The following SPAG17 variants were observed in gnomAD, a reference collection of about 807,000 sequenced individuals.
SPAG17 encodes sperm-associated antigen 17.
SPAG17 carries 169 observed loss-of-function variants against 273.6 expected under a neutral mutation model. That is an observed-to-expected ratio of 0.62 (90% confidence interval 0.55 to 0.70). The LOEUF is 0.70. SPAG17 is among the 30% of genes least tolerant of loss of function. SPAG17 has a pLI of 0.00. For missense variants in SPAG17, 2,557 were observed against 2,627.8 expected, an observed-to-expected ratio of 0.97 and a Z score of 0.59; for synonymous variants, 825 against 873.2, an observed-to-expected ratio of 0.94 and a Z score of 0.97.
chr1:118,184,441 T>G (rs1469944830), intron 1 of SPAG17, among the ~76,000 whole-genome samples: 4 of 152,098 alleles, frequency 2.6e-5, no homozygotes, highest in Non-Finnish European at 4.4e-5. Context: ...TGGTAGGTGG[T>G]TTGTAGATTG....
At chr1:118,078,255 C>T (rs1181439580) in intron 15 of SPAG17, among the ~76,000 whole-genome samples, 2 of 152,078 alleles carry the variant, frequency 1.3e-5, no homozygotes, top group East Asian at 1.9e-4. Context: ...CATGTTATCA[C>T]TTTCTTAAAA....
chr1:118,127,167 G>C (rs1055974979), intron 3 of SPAG17, among the ~76,000 whole-genome samples: 5 of 151,948 alleles, frequency 3.3e-5, no homozygotes, highest in Non-Finnish European at 7.4e-5. Context: ...GAGAATTTGG[G>C]GTCTTTTGTG....
intron 1 of SPAG17, among the ~76,000 whole-genome samples, chr1:118,157,503 C>G (rs917743461): frequency 1.3e-5 from 2 of 152,178 alleles, no homozygotes; most frequent in African/African-American, 4.8e-5. Flanking sequence ...CAGGGCTCTC[C>G]TTTCCTCCTG....
rs1012424058 is a variant in SPAG17 at position 118,056,363 on chromosome 1, C to G, written c.2541-449G>C. On this transcript the variant is annotated intron_variant, in intron 18 of 48. Coordinates refer to ENST00000336338, the MANE Select transcript of SPAG17 (RefSeq NM_206996.4). Reference sequence around the variant, plus strand: ...TAAAATTGAGACCAATTAATACTCACTGGATTAACTAAACCACTATAGCTT... The same window carrying G: ...TAAAATTGAGACCAATTAATACTCAGTGGATTAACTAAACCACTATAGCTT... Among the ~76,000 whole-genome samples the G allele has an allele frequency of 8.5e-5, 13 of 152,294 alleles. No homozygotes were observed. In the Middle Eastern group the frequency reaches 0.01, roughly 120 times the overall value.
At chr1:118,043,491 C>T (rs1230938150) in intron 20 of SPAG17, among the ~76,000 whole-genome samples, 2 of 152,230 alleles carry the variant, frequency 1.3e-5, no homozygotes, top group East Asian at 3.9e-4. Flanking sequence ...CTTACCACAA[C>T]GTAAGTATTT....
rs1254287477 is a variant in SPAG17 at position 118,058,190 on chromosome 1, CT to C, written c.2541-2277del. On this transcript the variant is annotated intron_variant, in intron 18 of 48. Coordinates refer to ENST00000336338, the MANE Select transcript of SPAG17 (RefSeq NM_206996.4). ...TAAAAGACATAGGCTATCAGAGTAA[CT>C]AAAAAAATGCAAGCTGCTATTTATT... 5.9e-5 allele frequency among the ~76,000 whole-genome samples: 9 copies of C among 152,098 alleles called. No individual in the cohort carries two copies. The South Asian group carries it at 1.9e-3, about 32-fold the overall frequency.
intron 31 of SPAG17, among the ~76,000 whole-genome samples, chr1:118,007,804 C>G (rs141310255): frequency 1.3e-3 from 198 of 152,270 alleles, no homozygotes; most frequent in Admixed American, 2.5e-3. Flanking sequence ...TGGTTTATAA[C>G]CTTGGTCCAA....
chr1:117,958,795 T>A, intron 48 of SPAG17: 1 of 637,044 alleles, frequency 1.6e-6, no homozygotes, highest in Non-Finnish European at 2.5e-6. Flanking sequence ...CTCGAAACAT[T>A]TCTATAATGT....
At chr1:118,161,440 G>T (rs1270386787) in intron 1 of SPAG17, among the ~76,000 whole-genome samples, 1 of 152,160 alleles carries the variant, frequency 6.6e-6, no homozygotes, top group East Asian at 1.9e-4. Context: ...TGTGGAGGGT[G>T]GAGGTGTCTG....
intron 3 of SPAG17, among the ~76,000 whole-genome samples, chr1:118,144,674 G>A (rs1469633055): frequency 3.3e-5 from 5 of 152,202 alleles, no homozygotes; most frequent in Non-Finnish European, 5.9e-5. Context: ...AGGCCCTGGT[G>A]TGGGCCACGT....
rs142723614 is a variant in SPAG17 at position 118,086,886 on chromosome 1, T to A, written c.1482A>T (p.Ser494=). The stretch of plus-strand genomic sequence containing the variant: ...GCTATCTGACCTTTTTCTCCCTCTC[T>A]GAGAGACAGAGTGAGGGCAGAAGGG... The part of the protein sequence containing the change: ...IVSLLPSLCL[S]EREKKNLHDI... Residue 494 remains serine, a synonymous_variant, in exon 11 of 49, where the codon TCA becomes TCT. Coordinates refer to ENST00000336338, the MANE Select transcript of SPAG17 (RefSeq NM_206996.4). 2.6e-4 allele frequency: 417 copies of A among 1,614,020 alleles called. No homozygotes were observed. The highest frequency in any genetic ancestry group is 3.2e-4 in the Non-Finnish European group (375 of 1,180,006).
chr1:117,966,867 A>G lies in SPAG17; in HGVS notation c.6388-114T>C, dbSNP rs1169680348. 3.3e-6 allele frequency: 3 copies of G among 916,238 alleles called. No homozygotes were observed. The Admixed American group carries it at 1.0e-4, about 31-fold the overall frequency. The allele number at this position is 916,238 out of a possible 1,614,324, so 56.8% of individuals were successfully genotyped here. A position where few individuals can be genotyped will look rare whatever the true frequency, so the allele number is the denominator to read the frequency against. On this transcript the variant is annotated intron_variant, in intron 46 of 48. Transcript: ENST00000336338. ...TCTCTTACCTTTGGTTTCTTCATCTATAAATTTGGCACTAACAAATGGTAG... is the reference window on the plus strand; with the variant it reads ...TCTCTTACCTTTGGTTTCTTCATCTGTAAATTTGGCACTAACAAATGGTAG...
In SPAG17 at chr1:118,016,164, T is replaced by C; in HGVS notation, c.4088A>G (p.Gln1363Arg). ...NTKKGKSHKS[Q>R]SSMAHKGEIH... is the part of the protein sequence containing the mutation. ...TTCACCCTTATGGGCCATTGATGAC[T>C]GACTTTTGTGACTTTTTCCTGTGAA... Residue 1363 changes from glutamine to arginine, a missense_variant, in exon 29 of 49, where the codon CAG (glutamine) becomes CGG (arginine). By Grantham distance (43) the Gln-to-Arg change is conservative. Coordinates refer to ENST00000336338, the MANE Select transcript of SPAG17 (RefSeq NM_206996.4). 1 of 1,612,666 alleles carries C rather than the reference T, an allele frequency of 6.2e-7. No individual in the cohort carries two copies. The highest frequency in any genetic ancestry group is 1.1e-5 in the South Asian group (1 of 90,926).
chr1:118,173,722 TGTG>T (rs1660521462), intron 1 of SPAG17, among the ~76,000 whole-genome samples: 1 of 151,726 alleles, frequency 6.6e-6, no homozygotes, highest in African/African-American at 2.4e-5. Context: ...ATTAGCTGGG[TGTG>T]GTGGCATATA....
At chr1:117,968,605 C>T (rs979265458) in intron 46 of SPAG17, among the ~76,000 whole-genome samples, 1 of 152,154 alleles carries the variant, frequency 6.6e-6, no homozygotes, top group Admixed American at 6.5e-5. Context: ...ATAATCTGGT[C>T]TGAACTTTAC....
chr1:118,001,175 C>G (rs1017830835), intron 32 of SPAG17, among the ~76,000 whole-genome samples: 1 of 152,120 alleles, frequency 6.6e-6, no homozygotes, highest in Non-Finnish European at 1.5e-5. Context: ...ATGAAGCCGA[C>G]CTGAACATGG....
At chr1:118,057,274 T>C (rs564734553) in intron 18 of SPAG17, among the ~76,000 whole-genome samples, 4 of 152,328 alleles carry the variant, frequency 2.6e-5, no homozygotes, top group South Asian at 4.1e-4. Flanking sequence ...TTTACTGTTA[T>C]TGGCCTGGTC....
intron 28 of SPAG17, among the ~76,000 whole-genome samples, chr1:118,019,310 AAAAC>A (rs1372278128): frequency 6.6e-6 from 1 of 152,150 alleles, no homozygotes; most frequent in Non-Finnish European, 1.5e-5. Context: ...ATTATAAAAC[AAAAC>A]AAAGAAGTGT....
chr1:118,005,407 A>C lies in SPAG17; in HGVS notation c.4776+7T>G, dbSNP rs901512192. The C allele has an allele frequency of 1.3e-6, 2 of 1,599,434 alleles. No homozygotes were observed. Among genetic ancestry groups the C allele is most frequent in the Non-Finnish European group, 1.7e-6 (2 of 1,173,372 alleles). On this transcript the variant is annotated splice_region_variant and intron_variant, in intron 32 of 48. Transcript: ENST00000336338. ...GGCTCTCTCTCCATACCAAAGGTGCACTTTACCTGAAAAGTGTTTCCCTCA... is the reference window on the plus strand; with the variant it reads ...GGCTCTCTCTCCATACCAAAGGTGCCCTTTACCTGAAAAGTGTTTCCCTCA...
Sources: gnomAD v4.1 joint callset for allele counts (sites outside exome capture counted in the v4.1 genomes callset) on GRCh38, gnomAD v4.1.1 for gene constraint, MANE v1.5 for transcripts, NCBI Gene and HGNC (gene_info 2026-07-23, HGNC 2026-07-21) for gene names.